The following DFFA variants were observed in gnomAD, a reference collection of about 807,000 sequenced individuals.
The protein encoded by DFFA is DNA fragmentation factor subunit alpha.
Under a neutral mutation model 28.0 loss-of-function variants are expected in DFFA, and 14 were observed. That is an observed-to-expected ratio of 0.50 (90% confidence interval 0.33 to 0.78). DFFA has a LOEUF of 0.78. DFFA is among the 30% of genes least tolerant of loss of function. The probability of loss-of-function intolerance (pLI) is 0.02; values close to 1 mark genes in which losing one functional copy is unlikely to be tolerated. For missense variants in DFFA, 395 were observed against 407.1 expected (o/e 0.97, Z 0.26); for synonymous variants, 158 against 170.3 (o/e 0.93, Z 0.56).
At position 10,463,142 on chromosome 1, in the gene DFFA, C is replaced by T. The variant is rs745408700; in HGVS notation, c.699G>A (p.Ser233=). The change falls in exon 5 of 6, where the codon TCG becomes TCA. Residue 233 remains serine, a synonymous_variant. Coordinates refer to ENST00000377038, the MANE Select transcript of DFFA (RefSeq NM_004401.3). ...GGATGTGGCTCGCCAGCGCAACGTC[C>T]GAGGAGGTCTCTCTGCTGATACCCG... The part of the protein sequence containing the change: ...VDTGISRETS[S]DVALASHILT... The T allele has an allele frequency of 9.9e-6, 16 of 1,614,014 alleles. No individual in the cohort carries two copies. Among genetic ancestry groups the T allele is most frequent in the South Asian group, 5.5e-5 (5 of 91,082 alleles).
At chr1:10,471,260 C>T (rs1641095277) in intron 1 of DFFA, among the ~76,000 whole-genome samples, 1 of 151,960 alleles carries the variant, frequency 6.6e-6, no homozygotes, top group Non-Finnish European at 1.5e-5. Flanking sequence ...GCTTCAAATA[C>T]TAACGGGACT....
chr1:10,469,096 G>A (rs771361484), intron 2 of DFFA, 81 bp downstream of exon 2: 15 of 1,396,372 alleles, frequency 1.1e-5, no homozygotes, highest in Non-Finnish European at 1.4e-5. Flanking sequence ...CCAGACAAAT[G>A]GCAATTGTCT....
rs201194418 is a variant in DFFA, at chr1:10,463,560, C to T, written c.502G>A (p.Val168Ile). 131 of 1,614,030 alleles carry T rather than the reference C, an allele frequency of 8.1e-5. No individual in the cohort carries two copies. The highest frequency in any genetic ancestry group is 1.0e-4 in the Non-Finnish European group (121 of 1,180,028). The change falls in exon 4 of 6, where the codon GTC (valine) becomes ATC (isoleucine). Residue 168 changes from valine (V) to isoleucine (I), a missense_variant. Physicochemically the swap from Val to Ile is conservative, Grantham distance 29. Transcript: ENST00000377038. The stretch of plus-strand genomic sequence containing the variant: ...TGGAGTGTGTGCTGCAGCCGCTGGA[C>T]GGTGGCACAACTCTGACGTAGTTCC... ...AQELRQSCAT[V>I]QRLQHTLQQV...
intron 5 of DFFA, among the ~76,000 whole-genome samples, chr1:10,462,143 C>T (rs1286000641): frequency 2.0e-5 from 3 of 152,042 alleles, no homozygotes; most frequent in Admixed American, 6.5e-5. Context: ...CAGGCGTGAG[C>T]CACCGCGCCC....
At chr1:10,462,071 G>A (rs1031056891) in intron 5 of DFFA, among the ~76,000 whole-genome samples, 5 of 152,296 alleles carry the variant, frequency 3.3e-5, no homozygotes, top group Middle Eastern at 3.4e-3. Flanking sequence ...TGTTCGCCAG[G>A]ATGGTCTCGA....
At chr1:10,463,644 A>G in intron 3 of DFFA, 24 bp from the exon 4 acceptor site, 1 of 1,584,902 alleles carries the variant, frequency 6.3e-7, no homozygotes, top group Non-Finnish European at 8.5e-7. Flanking sequence ...ACAGACGCTT[A>G]GAAATCTACA....
At chr1:10,463,895 C>A (rs1640986347) in intron 3 of DFFA, among the ~76,000 whole-genome samples, 1 of 151,786 alleles carries the variant, frequency 6.6e-6, no homozygotes, top group African/African-American at 2.4e-5. Context: ...GAACTCCTGA[C>A]CTCAGGTGAT....
Position 10,472,235 on chromosome 1 carries a change from T to A in DFFA, c.136+88A>T. 2 of 1,431,902 alleles carry A rather than the reference T, an allele frequency of 1.4e-6. No individual in the cohort carries two copies. Among genetic ancestry groups the A allele is most frequent in the Non-Finnish European group, 1.9e-6 (2 of 1,079,466 alleles). 88.7% of individuals were successfully genotyped at this position (1,431,902 alleles called of 1,614,324 possible). ...CACCCGAGATACAAGAATCCCCAAG[T>A]CGCCTCTCCTGACCCCGCCTCGCCC... On this transcript the variant is annotated intron_variant, in intron 1 of 5. Coordinates refer to ENST00000377038, the MANE Select transcript of DFFA (RefSeq NM_004401.3). The surrounding 1 kb of genome is among the most constrained non-coding windows in gnomAD (Gnocchi z 5.0).
At chr1:10,461,746 G>A (rs760305037) in intron 5 of DFFA, 44 bp from the exon 6 acceptor site, 44 of 1,606,324 alleles carry the variant, frequency 2.7e-5, no homozygotes, top group Middle Eastern at 1.9e-4. Flanking sequence ...CCTTCTGTGC[G>A]CCTCTCCTGC....
At position 10,461,391 on chromosome 1, in the gene DFFA, A is replaced by AG; in HGVS notation, c.*98dup. 1 of 1,466,272 alleles carries AG rather than the reference A, an allele frequency of 6.8e-7. No individual in the cohort carries two copies. Among genetic ancestry groups the AG allele is most frequent in the South Asian group, 1.4e-5 (1 of 71,848 alleles). 90.8% of individuals were successfully genotyped at this position (1,466,272 alleles called of 1,614,324 possible). A position where few individuals can be genotyped will look rare whatever the true frequency, so the allele number is the denominator to read the frequency against. On this transcript the variant is annotated 3_prime_UTR_variant, in exon 6 of 6. Transcript: ENST00000377038. ...GCTTCTCTGGAAGGTGCTCTAAGGC[A>AG]GGGGGTAGAGTAGTACATAGGTAGT...
At chr1:10,469,004 C>T (rs1309980454) in intron 2 of DFFA, among the ~76,000 whole-genome samples, 173 bp downstream of exon 2, 2 of 152,106 alleles carry the variant, frequency 1.3e-5, no homozygotes, top group Non-Finnish European at 2.9e-5. Context: ...TGGCCTCATT[C>T]ATCTTTATCC....
chr1:10,461,599 C>T lies in DFFA; in HGVS notation c.887G>A (p.Arg296His), dbSNP rs201880040. The change falls in exon 6 of 6, where the codon CGC becomes CAC. Residue 296 changes from arginine (R) to histidine (H), a missense_variant. By Grantham distance (29) the Arg-to-His change is conservative. Coordinates refer to ENST00000377038, the MANE Select transcript of DFFA (RefSeq NM_004401.3). ...ATGCAAGCTCTGCGTCTGCTGCAGG[C>T]GCAGGGCGAGCTCCCGCTCACAGGC... The part of the protein sequence containing the change: ...QEACERELAL[R>H]LQQTQSLHSL... 1.3e-4 allele frequency: 209 copies of T among 1,614,124 alleles called. 1 individual carries two copies. The highest frequency in any genetic ancestry group is 9.7e-4 in the Admixed American group (58 of 60,010).
Position 10,469,242 on chromosome 1 carries a change from C to T in DFFA, c.233G>A (p.Cys78Tyr), listed in dbSNP as rs1161501915. ...CACAAACTTAGTATTGGAAGGTAGA[C>T]ACAGAAAGTAATCGTCATCATCCAC... ...TIVDDDDYFLCLPSNTKFVAL... is the reference protein window; with the variant it reads ...TIVDDDDYFLYLPSNTKFVAL... Residue 78 changes from cysteine to tyrosine, a missense_variant, in exon 2 of 6, where the codon TGT (cysteine) becomes TAT (tyrosine). Transcript: ENST00000377038. 1 of 1,614,144 alleles carries T rather than the reference C, an allele frequency of 6.2e-7. No homozygotes were observed. The highest frequency in any genetic ancestry group is 1.1e-5 in the South Asian group (1 of 91,088).
At chr1:10,462,443 C>T (rs745528864) in intron 5 of DFFA, 1 of 987,678 alleles carries the variant, frequency 1.0e-6, no homozygotes, top group Non-Finnish European at 1.2e-6. Context: ...AAGCATGGGC[C>T]TTTTCTTACA....
At chr1:10,461,920 T>C (rs937730572) in intron 5 of DFFA, 2 of 935,226 alleles carry the variant, frequency 2.1e-6, no homozygotes. Flanking sequence ...AGTGACACTA[T>C]CTCGGCTCCC....
rs1053550281 is a variant in DFFA at position 10,456,868 on chromosome 1, A to C, written c.*4622T>G. On this transcript the variant is annotated 3_prime_UTR_variant, in exon 6 of 6. Coordinates refer to ENST00000377038, the MANE Select transcript of DFFA (RefSeq NM_004401.3). ...GAACGGGCATGCCCTGCCCTCTCTC[A>C]CTCCTATTTTTAGACGTATTGCTGC... The C allele has an allele frequency of 6.6e-6, 1 of 151,994 alleles. No individual in the cohort carries two copies. Among genetic ancestry groups the C allele is most frequent in the Non-Finnish European group, 1.5e-5 (1 of 68,008 alleles). The allele number at this position is 151,994 out of a possible 1,614,324, so 9.4% of individuals were successfully genotyped here.
intron 1 of DFFA, among the ~76,000 whole-genome samples, chr1:10,470,443 G>C (rs1291846966): frequency 2.3e-5 from 1 of 43,232 alleles, no homozygotes; most frequent in African/African-American, 8.9e-5. Context: ...TTTTTTTTTT[G>C]AGACGGAGTC....
In DFFA at chr1:10,458,395, A is replaced by C. The variant is rs1179155033; in HGVS notation, c.*3095T>G. ...CTATAAAAAAGGAAATGTTGGGGTGAGAGCCAATGGAGGGCATTAGTAAAA... is the reference window on the plus strand; with the variant it reads ...CTATAAAAAAGGAAATGTTGGGGTGCGAGCCAATGGAGGGCATTAGTAAAA... On this transcript the variant is annotated 3_prime_UTR_variant, in exon 6 of 6. Coordinates refer to ENST00000377038, the MANE Select transcript of DFFA (RefSeq NM_004401.3). The C allele has an allele frequency of 6.6e-6, 1 of 152,194 alleles. No individual in the cohort carries two copies. Among genetic ancestry groups the C allele is most frequent in the East Asian group, 1.9e-4 (1 of 5,206 alleles). The allele number at this position is 152,194 out of a possible 1,614,324, so 9.4% of individuals were successfully genotyped here. A position where few individuals can be genotyped will look rare whatever the true frequency, so the allele number is the denominator to read the frequency against.
At position 10,459,279 on chromosome 1, in the gene DFFA, G is replaced by A. The variant is rs541804983; in HGVS notation, c.*2211C>T. 6.6e-6 allele frequency: 1 copy of A among 152,344 alleles called. No individual in the cohort carries two copies. The highest frequency in any genetic ancestry group is 2.1e-4 in the South Asian group (1 of 4,832). The allele number at this position is 152,344 out of a possible 1,614,324, so 9.4% of individuals were successfully genotyped here. The stretch of plus-strand genomic sequence containing the variant: ...TGACTCATCACCTTTTCCCTGCAAG[G>A]AGTGTACTGTAGATTACCAAACCTG... On this transcript the variant is annotated 3_prime_UTR_variant, in exon 6 of 6. Coordinates refer to ENST00000377038, the MANE Select transcript of DFFA (RefSeq NM_004401.3).
Sources: gnomAD v4.1 joint callset for allele counts (sites outside exome capture counted in the v4.1 genomes callset) on GRCh38, gnomAD v4.1.1 for gene constraint, Gnocchi (gnomAD v3.1) non-coding constraint, MANE v1.5 for transcripts, NCBI Gene and HGNC (gene_info 2026-07-23, HGNC 2026-07-21) for gene names.